Variants in PDE1A observed in about 807,000 individuals in gnomAD.
PDE1A encodes phosphodiesterase 1A, also known as dual specificity calcium/calmodulin-dependent 3',5'-cyclic nucleotide phosphodiesterase 1A.
PDE1A carries 35 observed loss-of-function variants against 61.7 expected under a neutral mutation model. The ratio of observed to expected loss-of-function variants is 0.57; its 90% CI spans 0.43 to 0.75. The LOEUF is 0.75. PDE1A is among the 30% of genes least tolerant of loss of function. The pLI, the probability that PDE1A is intolerant of heterozygous loss-of-function variation, is 0.00. For synonymous variants in PDE1A, 232 were observed against 213.2 expected, an observed-to-expected ratio of 1.09 and a Z score of -0.77; for missense variants, 597 against 630.6, an observed-to-expected ratio of 0.95 and a Z score of 0.57.
the PDE1A span, among the ~76,000 whole-genome samples, chr2:182,642,793 C>A: frequency 1.3e-5 from 2 of 152,038 alleles, no homozygotes; most frequent in African/African-American, 4.8e-5. Flanking sequence ...ATTTTAGAAC[C>A]CTAAGTTATT....
chr2:182,701,615 C>G, the PDE1A span, among the ~76,000 whole-genome samples: 25 of 152,126 alleles, frequency 1.6e-4, no homozygotes, highest in East Asian at 4.8e-3. Context: ...CTCCCAGCCT[C>G]AAGTGATCCA....
chr2:182,476,812 A>G (rs185145733), intron 2 of PDE1A, among the ~76,000 whole-genome samples: 28 of 151,950 alleles, frequency 1.8e-4, no homozygotes, highest in African/African-American at 6.5e-4. Flanking sequence ...AAAATGAAAG[A>G]ATAAAAGACC....
At chr2:182,666,785 G>T in the PDE1A span, among the ~76,000 whole-genome samples, 1 of 152,102 alleles carries the variant, frequency 6.6e-6, no homozygotes, top group Admixed American at 6.6e-5. Context: ...TCTATCACCT[G>T]GCCACCATAA....
chr2:182,554,639 G>A, the PDE1A span, among the ~76,000 whole-genome samples: 1 of 152,126 alleles, frequency 6.6e-6, no homozygotes, highest in Non-Finnish European at 1.5e-5. Flanking sequence ...TCTGTAAAAT[G>A]AATGTAATAT....
intron 2 of PDE1A, among the ~76,000 whole-genome samples, chr2:182,253,463 G>C (rs1691551829): frequency 6.6e-6 from 1 of 152,232 alleles, no homozygotes; most frequent in East Asian, 1.9e-4. Flanking sequence ...TGTATTCACT[G>C]TAAGTATCAG....
chr2:182,440,981 T>TA (rs1308140896), intron 2 of PDE1A, among the ~76,000 whole-genome samples: 5 of 152,092 alleles, frequency 3.3e-5, no homozygotes, highest in African/African-American at 1.2e-4. Context: ...ATGCTACTAA[T>TA]AAAGACATAC....
chr2:182,529,422 C>T, the PDE1A span, among the ~76,000 whole-genome samples: 1 of 152,194 alleles, frequency 6.6e-6, no homozygotes, highest in Non-Finnish European at 1.5e-5. Context: ...CCCATCATAT[C>T]TAGAAAGTAA....
chr2:182,466,479 G>A (rs946314465), intron 2 of PDE1A, among the ~76,000 whole-genome samples: 1 of 151,970 alleles, frequency 6.6e-6, no homozygotes, highest in Non-Finnish European at 1.5e-5. Flanking sequence ...GGAAATTGAG[G>A]AGTGGCATGG....
At chr2:182,564,325 G>T in the PDE1A span, among the ~76,000 whole-genome samples, 1 of 152,212 alleles carries the variant, frequency 6.6e-6, no homozygotes, top group East Asian at 1.9e-4. Flanking sequence ...GCTTAGTTTG[G>T]CTGGATATGA....
chr2:182,154,945 A>G (rs1036628999), intron 13 of PDE1A, among the ~76,000 whole-genome samples: 1 of 152,088 alleles, frequency 6.6e-6, no homozygotes, highest in Non-Finnish European at 1.5e-5. Context: ...AACTTTAAGA[A>G]TGTCAGAAAA....
intron 1 of PDE1A, among the ~76,000 whole-genome samples, chr2:182,358,922 C>T (rs1316503098): frequency 6.6e-6 from 1 of 152,054 alleles, no homozygotes; most frequent in Non-Finnish European, 1.5e-5. Flanking sequence ...TGCTACACTG[C>T]TTGTCCTTTC....
chr2:182,508,702 G>A (rs981518462), intron 2 of PDE1A, among the ~76,000 whole-genome samples: 4 of 149,518 alleles, frequency 2.7e-5, no homozygotes, highest in Admixed American at 6.6e-5. Context: ...GATATTTTCC[G>A]GGGTATCAAA....
At chr2:182,254,641 T>C (rs1691643668) in intron 2 of PDE1A, among the ~76,000 whole-genome samples, 1 of 152,134 alleles carries the variant, frequency 6.6e-6, no homozygotes, top group Admixed American at 6.5e-5. Context: ...GGAGACTTTA[T>C]CTTCCACGTG....
At chr2:182,507,392 G>C (rs1357233436) in intron 2 of PDE1A, among the ~76,000 whole-genome samples, 6 of 152,194 alleles carry the variant, frequency 3.9e-5, no homozygotes, top group Non-Finnish European at 7.3e-5. Flanking sequence ...ATGTCCGGTA[G>C]TTAACTGTTT....
At chr2:182,571,268 G>A in the PDE1A span, among the ~76,000 whole-genome samples, 81 of 151,892 alleles carry the variant, frequency 5.3e-4, no homozygotes, top group African/African-American at 1.9e-3. Flanking sequence ...TTAAAATAGG[G>A]GTCATTGAAA....
chr2:182,559,446 C>T, the PDE1A span, among the ~76,000 whole-genome samples: 1 of 152,136 alleles, frequency 6.6e-6, no homozygotes, highest in Non-Finnish European at 1.5e-5. Flanking sequence ...AAACATCCAT[C>T]AGCACAGCTA....
At chr2:182,570,556 C>T in the PDE1A span, among the ~76,000 whole-genome samples, 4 of 152,184 alleles carry the variant, frequency 2.6e-5, no homozygotes, top group Non-Finnish European at 5.9e-5. Flanking sequence ...ATGTCAAATA[C>T]AGCGACAAAT....
the PDE1A span, among the ~76,000 whole-genome samples, chr2:182,688,327 C>G: frequency 2.6e-5 from 4 of 152,178 alleles, no homozygotes; most frequent in Non-Finnish European, 5.9e-5. Flanking sequence ...AACAGCTGAT[C>G]TCTCGGCAGA....
At chr2:182,625,873 G>A in the PDE1A span, among the ~76,000 whole-genome samples, 1 of 152,248 alleles carries the variant, frequency 6.6e-6, no homozygotes, top group South Asian at 2.1e-4. Context: ...AGCAACATAT[G>A]CCATAACACT....
Sources: gnomAD v4.1 joint callset for allele counts (sites outside exome capture counted in the v4.1 genomes callset) on GRCh38, gnomAD v4.1.1 for gene constraint, MANE v1.5 for transcripts, NCBI Gene and HGNC (gene_info 2026-07-23, HGNC 2026-07-21) for gene names.